The following GREB1 variants were observed in gnomAD, a reference collection of about 807,000 sequenced individuals.
GREB1 encodes the protein growth regulating estrogen receptor binding 1, also known as protein GREB1.
In GREB1, 106 loss-of-function variants were observed where a neutral mutation model predicts 200.7. The observed-to-expected ratio is 0.53, with a 90% CI of 0.45 to 0.62. The LOEUF is 0.62. Ranked by LOEUF, GREB1 falls within the 20% of genes least tolerant of loss-of-function variation. The probability of loss-of-function intolerance (pLI) is 0.00; values close to 1 mark genes in which losing one functional copy is unlikely to be tolerated. For missense variants in GREB1, 2,243 were observed against 2,556.8 expected (o/e 0.88, Z 2.65); for synonymous variants, 1,132 against 1,092.4 (o/e 1.04, Z -0.72).
At chr2:11,540,401 C>G (rs1295230912) in intron 1 of GREB1, among the ~76,000 whole-genome samples, 1 of 152,204 alleles carries the variant, frequency 6.6e-6, no homozygotes, top group African/African-American at 2.4e-5. Flanking sequence ...TGGTTGGTTC[C>G]AGAGAGAAGG....
In GREB1 at chr2:11,633,331, G is replaced by C. The variant is rs2148431829; in HGVS notation, c.4991+268G>C. Among the ~76,000 whole-genome samples, 1 of 152,246 alleles carries C rather than the reference G, an allele frequency of 6.6e-6. No homozygotes were observed. The highest frequency in any genetic ancestry group is 1.5e-5 in the Non-Finnish European group (1 of 68,016). Reference sequence around the variant, plus strand: ...TAATCCCAGCACTTTGGGAGGCTGAGGTGGGTGGATCACGAGGTCAGGAGA... The same window carrying C: ...TAATCCCAGCACTTTGGGAGGCTGACGTGGGTGGATCACGAGGTCAGGAGA... On this transcript the variant is annotated intron_variant, in intron 28 of 32. Transcript: ENST00000381486. The surrounding 1 kb of genome is among the most constrained non-coding windows in gnomAD (Gnocchi z 4.1).
intron 1 of GREB1, among the ~76,000 whole-genome samples, chr2:11,514,617 G>A (rs984325433): frequency 2.6e-5 from 4 of 152,212 alleles, no homozygotes; most frequent in African/African-American, 9.7e-5. Context: ...GAACTTTGGA[G>A]GTTTCAGTTG....
rs1450728016 is a variant in GREB1, at chr2:11,629,834, T to C, written c.4450-114T>C. 11 of 1,037,992 alleles carry C rather than the reference T, an allele frequency of 1.1e-5. No homozygotes were observed. The African/African-American group carries it at 1.3e-4, about 12-fold the overall frequency. 64.3% of individuals were successfully genotyped at this position (1,037,992 alleles called of 1,614,324 possible). On this transcript the variant is annotated intron_variant, in intron 25 of 32. Transcript: ENST00000381486. The surrounding 1 kb of genome is among the most constrained non-coding windows in gnomAD (Gnocchi z 5.2). ...GAGTCACCCCGTGGGTTTCTTGTGC[T>C]GTAGGGAAGTGGTGACTGTGAGCTG...
At chr2:11,528,133 T>G (rs996348880) in intron 1 of GREB1, among the ~76,000 whole-genome samples, 1 of 152,216 alleles carries the variant, frequency 6.6e-6, no homozygotes, top group Non-Finnish European at 1.5e-5. Flanking sequence ...GTCCTAGCTG[T>G]TCACACCAGG....
Position 11,520,563 on chromosome 2 carries a change from C to G in GREB1, c.-158-35894C>G, listed in dbSNP as rs77301282. On this transcript the variant is annotated intron_variant, in intron 1 of 2. Coordinates refer to the GREB1 transcript ENST00000628795. ...TCCTTTCTTCTACCTTCAAAGCCAA[C>G]AGGGTTGGTCAAGTCTCTCTCATGC... Among the ~76,000 whole-genome samples, 786 of 152,340 alleles carry G rather than the reference C, an allele frequency of 5.2e-3. 4 individuals carry two copies. Among genetic ancestry groups the G allele is most frequent in the African/African-American group, 0.016 (645 of 41,586 alleles).
At chr2:11,486,452 A>G (rs975579994) in intron 1 of GREB1, among the ~76,000 whole-genome samples, 1 of 152,080 alleles carries the variant, frequency 6.6e-6, no homozygotes, top group African/African-American at 2.4e-5. Context: ...GCCCAGCCTA[A>G]TTGTAGTACT....
chr2:11,500,523 C>T (rs187053265), intron 1 of GREB1, among the ~76,000 whole-genome samples: 33 of 151,138 alleles, frequency 2.2e-4, no homozygotes, highest in East Asian at 5.8e-4. Flanking sequence ...AGGCTGGTCT[C>T]GAACTCCTGA....
intron 23 of GREB1, among the ~76,000 whole-genome samples, chr2:11,623,702 C>T (rs939494481): frequency 6.6e-6 from 1 of 152,154 alleles, no homozygotes; most frequent in Non-Finnish European, 1.5e-5. Context: ...ACCAGTCTGG[C>T]GAACATGGTG....
At chr2:11,601,035 T>G (rs1681737432) in intron 16 of GREB1, 40 bp downstream of exon 16, 1 of 1,520,554 alleles carries the variant, frequency 6.6e-7, no homozygotes, top group Non-Finnish European at 9.0e-7. Context: ...TGTAGCAATA[T>G]CACTTGGGTT....
At chr2:11,565,699 TGAGAA>T in intron 3 of GREB1, among the ~76,000 whole-genome samples, 1 of 152,216 alleles carries the variant, frequency 6.6e-6, no homozygotes, top group Non-Finnish European at 1.5e-5. Flanking sequence ...GGGCATGGAA[TGAGAA>T]TCCCTGTGCT....
intron 1 of GREB1, among the ~76,000 whole-genome samples, chr2:11,516,345 T>C (rs1673499540): frequency 1.3e-5 from 2 of 150,302 alleles, no homozygotes; most frequent in African/African-American, 5.0e-5. Context: ...TGTGTGTGTG[T>C]GTGCACGCAA....
At chr2:11,522,231 A>G (rs1235219516) in intron 1 of GREB1, among the ~76,000 whole-genome samples, 1 of 152,138 alleles carries the variant, frequency 6.6e-6, no homozygotes, top group Non-Finnish European at 1.5e-5. Flanking sequence ...GAGAACAATT[A>G]AACCCATTTA....
At chr2:11,554,871 C>T (rs1284405348) in intron 1 of GREB1, among the ~76,000 whole-genome samples, 2 of 152,170 alleles carry the variant, frequency 1.3e-5, no homozygotes, top group African/African-American at 4.8e-5. Flanking sequence ...TGATTATAAT[C>T]TATTAAAAAC....
chr2:11,627,459 A>G (rs1185238567), intron 25 of GREB1, among the ~76,000 whole-genome samples: 2 of 152,208 alleles, frequency 1.3e-5, no homozygotes. Flanking sequence ...CTCTGTCCCC[A>G]TCCTCCATGC....
At position 11,619,288 on chromosome 2, in the gene GREB1, T is replaced by C. The variant is rs151145377; in HGVS notation, c.4044+369T>C. ...TTTCGGTGAACCATGAACGGAGAAC[T>C]AGGGGTTCTGTTTCCCTGTCTCAGC... On this transcript the variant is annotated intron_variant, in intron 22 of 32. Transcript: ENST00000381486. Among the ~76,000 whole-genome samples the C allele has an allele frequency of 1.0e-3, 157 of 152,298 alleles. 1 individual carries two copies. The highest frequency in any genetic ancestry group is 3.5e-3 in the African/African-American group (144 of 41,568).
intron 17 of GREB1, among the ~76,000 whole-genome samples, chr2:11,606,779 T>C (rs1287582306): frequency 6.7e-6 from 1 of 149,020 alleles, no homozygotes; most frequent in African/African-American, 2.5e-5. Flanking sequence ...TTATTATTAT[T>C]ATTATTATTA....
chr2:11,553,724 G>A (rs931828327), intron 1 of GREB1, among the ~76,000 whole-genome samples: 1 of 152,168 alleles, frequency 6.6e-6, no homozygotes, highest in Admixed American at 6.5e-5. Flanking sequence ...TGGCTGGACA[G>A]TGGATATTAT....
In GREB1 at chr2:11,498,386, G is replaced by A. The variant is rs553519662; in HGVS notation, c.-159+16005G>A. On this transcript the variant is annotated intron_variant, in intron 1 of 2. Transcript: ENST00000628795. ...AAAGCTGTCTCTCCTACAATGGATT[G>A]CCTTTGCATTTATTTATTTTAAGAT... is the stretch of plus-strand genomic sequence containing the variant. Among the ~76,000 whole-genome samples the A allele has an allele frequency of 4.6e-5, 7 of 152,176 alleles. No individual in the cohort carries two copies. The South Asian group carries it at 1.5e-3, about 32-fold the overall frequency.
intron 1 of GREB1, among the ~76,000 whole-genome samples, chr2:11,512,890 CTT>C (rs1673390873): frequency 6.6e-6 from 1 of 152,168 alleles, no homozygotes; most frequent in South Asian, 2.1e-4. Flanking sequence ...TGGCTTAAGA[CTT>C]ATAGACAAAG....
Sources: gnomAD v4.1 joint callset for allele counts (sites outside exome capture counted in the v4.1 genomes callset) on GRCh38, gnomAD v4.1.1 for gene constraint, Gnocchi (gnomAD v3.1) non-coding constraint, MANE v1.5 for transcripts, NCBI Gene and HGNC (gene_info 2026-07-23, HGNC 2026-07-21) for gene names.